ATP6V1B1: variants seen among roughly 807,000 people sequenced by gnomAD.
ATP6V1B1 encodes the protein V-type proton ATPase subunit B, kidney isoform.
A neutral mutation model predicts 62.1 loss-of-function variants in ATP6V1B1; 41 were observed. That is an observed-to-expected ratio of 0.66 (90% CI 0.51 to 0.86). The LOEUF is 0.86. Among genes scored for constraint, ATP6V1B1 ranks in the 40% least tolerant of loss-of-function variants. The pLI, the probability that ATP6V1B1 is intolerant of heterozygous loss-of-function variation, is 0.00. For missense variants in ATP6V1B1, 651 were observed against 697.5 expected, an observed-to-expected ratio of 0.93 and a Z score of 0.75; for synonymous variants, 253 against 273.4, an observed-to-expected ratio of 0.93 and a Z score of 0.74.
intron 1 of ATP6V1B1, chr2:70,941,110 G>C (rs1477057252): frequency 2.2e-6 from 1 of 453,010 alleles, no homozygotes; most frequent in Admixed American, 6.4e-5. Flanking sequence ...TAGAGACGAG[G>C]CTTCACCATA....
At chr2:70,941,273 A>G in intron 1 of ATP6V1B1, 1 of 985,390 alleles carries the variant, frequency 1.0e-6, no homozygotes, top group Non-Finnish European at 1.2e-6. Context: ...AGTGGGACAC[A>G]ACGATGAGCA....
chr2:70,940,907 CTTTTTCTTT>C (rs111472628), intron 1 of ATP6V1B1: 148,020 of 734,940 alleles, frequency 0.2, 2,377 homozygotes, highest in East Asian at 0.42. Flanking sequence ...TTTTCTTTTT[CTTTTTCTTT>C]TTTTTTTTTT....
intron 1 of ATP6V1B1, among the ~76,000 whole-genome samples, chr2:70,936,738 C>T (rs1365936353): frequency 6.6e-6 from 1 of 152,090 alleles, no homozygotes; most frequent in Non-Finnish European, 1.5e-5. Flanking sequence ...TGCATGTGCA[C>T]TCATGGAGAG....
At chr2:70,960,878 G>C in intron 6 of ATP6V1B1, 43 bp from the exon 7 acceptor site, 2 of 1,551,746 alleles carry the variant, frequency 1.3e-6, no homozygotes, top group Non-Finnish European at 1.8e-6. Context: ...ACAGGGGTCA[G>C]CTCCGACTCT....
In ATP6V1B1 at chr2:70,962,843, G is replaced by A. The variant is rs1680623743; in HGVS notation, c.852G>A (p.Glu284=). 1.2e-6 allele frequency: 2 copies of A among 1,614,206 alleles called. No individual in the cohort carries two copies. Among genetic ancestry groups the A allele is most frequent in the Non-Finnish European group, 1.7e-6 (2 of 1,180,026 alleles). ...TTAEFLAYQC[E]KHVLVILTDM... Reference sequence around the variant, plus strand: ...CTGAATTCCTTGCCTACCAGTGTGAGAAGCATGTGCTGGTCATACTGACGG... The same window carrying A: ...CTGAATTCCTTGCCTACCAGTGTGAAAAGCATGTGCTGGTCATACTGACGG... The change falls in exon 9 of 14, where the codon GAG becomes GAA. Residue 284 remains glutamate (E), a synonymous_variant. Transcript: ENST00000234396.
At position 70,959,812 on chromosome 2, in the gene ATP6V1B1, AGAGCACGTT is replaced by A; in HGVS notation, c.446-126_446-118del. On this transcript the variant is annotated intron_variant, in intron 5 of 13. Coordinates refer to ENST00000234396, the MANE Select transcript of ATP6V1B1 (RefSeq NM_001692.4). The surrounding 1 kb of genome is among the most constrained non-coding windows in gnomAD (Gnocchi z 4.2). ...TAGGGCTACATCAGGCAGCACGGCC[AGAGCACGTT>A]TCTATCATCACAGAAAGTTCCGTCA... 1 of 1,419,878 alleles carries A rather than the reference AGAGCACGTT, an allele frequency of 7.0e-7. No homozygotes were observed. Among genetic ancestry groups the A allele is most frequent in the Admixed American group, 1.8e-5 (1 of 55,104 alleles). 88.0% of individuals were successfully genotyped at this position (1,419,878 alleles called of 1,614,324 possible).
intron 2 of ATP6V1B1, among the ~76,000 whole-genome samples, chr2:70,954,382 T>C (rs1451638876): frequency 6.6e-6 from 1 of 152,150 alleles, no homozygotes; most frequent in Non-Finnish European, 1.5e-5. Flanking sequence ...TTTCTAACCA[T>C]TTTTTTGCTG....
intron 2 of ATP6V1B1, chr2:70,944,243 GCCCCA>G: frequency 7.8e-7 from 1 of 1,287,914 alleles, no homozygotes; most frequent in South Asian, 1.2e-5. Context: ...AGTGAAGTGG[GCCCCA>G]CCAAAGGTAA....
At chr2:70,955,100 T>C (rs1013891841) in intron 2 of ATP6V1B1, among the ~76,000 whole-genome samples, 17 of 152,208 alleles carry the variant, frequency 1.1e-4, no homozygotes, top group African/African-American at 4.1e-4. Flanking sequence ...GGCAAAGCTC[T>C]ACCTGCCCAT....
chr2:70,937,672 C>T (rs1455530950), intron 1 of ATP6V1B1, among the ~76,000 whole-genome samples: 1 of 151,922 alleles, frequency 6.6e-6, no homozygotes, highest in Non-Finnish European at 1.5e-5. Flanking sequence ...TCCCTGCAGG[C>T]ACCCGGGAGT....
intron 2 of ATP6V1B1, among the ~76,000 whole-genome samples, chr2:70,954,837 C>T (rs1237008072): frequency 7.1e-6 from 1 of 140,038 alleles, no homozygotes; most frequent in Non-Finnish European, 1.7e-5. Context: ...AATCAGCGAC[C>T]TGGGAAGTGA....
intron 2 of ATP6V1B1, chr2:70,944,093 C>A (rs1680085036): frequency 7.8e-7 from 1 of 1,286,956 alleles, no homozygotes; most frequent in African/African-American, 1.5e-5. Flanking sequence ...GCTAGACTCT[C>A]CCCACCCTCG....
At chr2:70,964,114 A>ATTTTTTT (rs66905923) in intron 11 of ATP6V1B1, 8,899 of 126,780 alleles carry the variant, frequency 0.07, 1,401 homozygotes, top group East Asian at 0.15. Flanking sequence ...CTTGGCAGGT[A>ATTTTTTT]TTTTTTTTTT....
At chr2:70,956,696 T>C (rs11884325) in intron 2 of ATP6V1B1, among the ~76,000 whole-genome samples, 13,874 of 152,032 alleles carry the variant, frequency 0.091, 1,341 homozygotes, top group African/African-American at 0.24. Context: ...TCTGCCTTCC[T>C]GGCTCAAGGG....
chr2:70,938,450 G>C, intron 1 of ATP6V1B1: 1 of 659,522 alleles, frequency 1.5e-6, no homozygotes, highest in Non-Finnish European at 1.9e-6. Context: ...AGAAAAGCTG[G>C]GGGTGCCTAA....
rs1307787363 is a variant in ATP6V1B1 at position 70,963,793 on chromosome 2, G to T, written c.1143+139G>T. The T allele has an allele frequency of 4.4e-6, 4 of 915,912 alleles. No homozygotes were observed. The African/African-American group carries it at 6.6e-5, about 15-fold the overall frequency. The allele number at this position is 915,912 out of a possible 1,614,324, so 56.7% of individuals were successfully genotyped here. A position where few individuals can be genotyped will look rare whatever the true frequency, so the allele number is the denominator to read the frequency against. ...ACAGGAGACAGCCACAGGGAAGACTGCATGGTTCACAGACAGAAGACAGGC... is the reference window on the plus strand; with the variant it reads ...ACAGGAGACAGCCACAGGGAAGACTTCATGGTTCACAGACAGAAGACAGGC... On this transcript the variant is annotated intron_variant, in intron 11 of 13. Coordinates refer to ENST00000234396, the MANE Select transcript of ATP6V1B1 (RefSeq NM_001692.4). This position sits in a 1 kb window ranked among gnomAD's most constrained non-coding sequence, Gnocchi z 4.3.
chr2:70,943,706 G>C lies in ATP6V1B1; in HGVS notation c.167G>C (p.Arg56Pro). ...SVNGPLVVLD[R>P]VKFAQYAEIV... ...AACGGGCCCCTGGTGGTGCTGGACC[G>C]GGTCAAGGTAAGACTCTTCTGCTGC... Residue 56 changes from arginine (R) to proline (P), a missense_variant, in exon 2 of 14, where the codon CGG becomes CCG. Physicochemically the swap from Arg to Pro is moderately radical, Grantham distance 103 (BLOSUM62 -2). Transcript: ENST00000234396. The C allele has an allele frequency of 6.2e-7, 1 of 1,613,718 alleles. No homozygotes were observed. The highest frequency in any genetic ancestry group is 8.5e-7 in the Non-Finnish European group (1 of 1,179,962).
At position 70,961,023 on chromosome 2, in the gene ATP6V1B1, G is replaced by T. The variant is rs782102147; in HGVS notation, c.687+1G>T. ...CGCCATCGTCTTTGCAGCCATGGGG[G>T]TGAGGAGACTTAGTAGACTGGCAAG... On this transcript the variant is annotated splice_donor_variant, in intron 7 of 13. Transcript: ENST00000234396. LOFTEE classifies it high-confidence loss of function. The T allele has an allele frequency of 8.2e-6, 13 of 1,577,774 alleles. No homozygotes were observed. The highest frequency in any genetic ancestry group is 1.0e-5 in the Non-Finnish European group (12 of 1,161,550).
intron 2 of ATP6V1B1, among the ~76,000 whole-genome samples, chr2:70,948,041 G>T (rs1022426489): frequency 2.0e-5 from 3 of 152,080 alleles, no homozygotes; most frequent in Non-Finnish European, 2.9e-5. Flanking sequence ...CTTCCTAAAG[G>T]TTCCAGACAC....
Sources: allele counts gnomAD v4.1 joint callset (sites outside exome capture counted in the v4.1 genomes callset), GRCh38; gene constraint gnomAD v4.1.1; non-coding constraint Gnocchi (gnomAD v3.1); transcripts MANE v1.5; gene names NCBI Gene and HGNC (gene_info 2026-07-23, HGNC 2026-07-21).